Variants in CSMD2 observed in about 807,000 individuals in gnomAD.
CSMD2 encodes CUB and sushi domain-containing protein 2.
A neutral mutation model predicts 398.5 loss-of-function variants in CSMD2; 130 were observed. The ratio of observed to expected loss-of-function variants is 0.33; its 90% CI spans 0.28 to 0.38. The LOEUF (loss-of-function observed/expected upper bound fraction) is 0.38. Ranked by LOEUF, CSMD2 falls within the 10% of genes least tolerant of loss-of-function variation. CSMD2 has a pLI of 1.00. For synonymous variants in CSMD2, 1,828 were observed against 1,908.5 expected (o/e 0.96, Z 1.10); for missense variants, 3,829 against 4,764.9 (o/e 0.80, Z 5.78).
At chr1:34,159,483 C>T (rs554660418) in intron 1 of CSMD2, among the ~76,000 whole-genome samples, 4 of 152,310 alleles carry the variant, frequency 2.6e-5, no homozygotes, top group Non-Finnish European at 4.4e-5. Flanking sequence ...CCTGGGCAGA[C>T]GCTTCCAGGG....
At chr1:33,557,036 C>T (rs1373939917) in intron 55 of CSMD2, among the ~76,000 whole-genome samples, 1 of 152,144 alleles carries the variant, frequency 6.6e-6, no homozygotes, top group Non-Finnish European at 1.5e-5. Context: ...GAGCACCTCC[C>T]CAACCCCTTT....
chr1:33,683,679 G>A (rs1644975704), intron 25 of CSMD2, among the ~76,000 whole-genome samples: 1 of 152,208 alleles, frequency 6.6e-6, no homozygotes, highest in African/African-American at 2.4e-5. Flanking sequence ...CTCTAGAGGT[G>A]TTCTATGAAA....
intron 3 of CSMD2, among the ~76,000 whole-genome samples, chr1:33,966,461 T>C (rs2125408821): frequency 6.6e-6 from 1 of 152,356 alleles, no homozygotes; most frequent in Non-Finnish European, 1.5e-5. Context: ...GAAACCTTGT[T>C]GACCTTCTCA....
At chr1:33,619,603 T>C (rs1278342172) in intron 37 of CSMD2, among the ~76,000 whole-genome samples, 2 of 152,230 alleles carry the variant, frequency 1.3e-5, no homozygotes, top group Non-Finnish European at 2.9e-5. Flanking sequence ...TGAGTGTACA[T>C]GTGCTGAGTT....
intron 25 of CSMD2, 24 bp from the exon 26 acceptor site, chr1:33,663,116 G>T: frequency 1.2e-6 from 2 of 1,603,374 alleles, no homozygotes; most frequent in Non-Finnish European, 1.7e-6. Flanking sequence ...AGAGGCAGTG[G>T]TCATCTGGAC....
intron 3 of CSMD2, among the ~76,000 whole-genome samples, chr1:33,979,468 A>G (rs1646088217): frequency 1.3e-5 from 2 of 152,216 alleles, no homozygotes; most frequent in African/African-American, 4.8e-5. Context: ...TGTGGGTACC[A>G]GTATCCAAGG....
chr1:33,814,876 C>G (rs540039751), intron 9 of CSMD2, among the ~76,000 whole-genome samples: 2 of 152,224 alleles, frequency 1.3e-5, no homozygotes, highest in South Asian at 2.1e-4. Flanking sequence ...CCTTCTGGCT[C>G]CCACATTTCA....
intron 53 of CSMD2, among the ~76,000 whole-genome samples, chr1:33,566,483 T>C (rs1464318365): frequency 6.6e-6 from 1 of 152,138 alleles, no homozygotes; most frequent in Non-Finnish European, 1.5e-5. Context: ...TTAATATATG[T>C]GAATGAGTTT....
intron 4 of CSMD2, 32 bp from the exon 5 acceptor site, chr1:33,918,333 G>C: frequency 6.2e-7 from 1 of 1,600,610 alleles, no homozygotes; most frequent in Non-Finnish European, 8.5e-7. Flanking sequence ...GCTTACATGA[G>C]TAGTCTGGTT....
intron 4 of CSMD2, among the ~76,000 whole-genome samples, chr1:33,925,059 T>TC (rs1644077800): frequency 6.6e-6 from 1 of 152,174 alleles, no homozygotes; most frequent in Non-Finnish European, 1.5e-5. Flanking sequence ...TTTAATATAG[T>TC]CCCATTTGTC....
chr1:33,981,942 A>T (rs568239618), intron 3 of CSMD2, among the ~76,000 whole-genome samples: 3 of 152,218 alleles, frequency 2.0e-5, no homozygotes, highest in Admixed American at 2.0e-4. Context: ...GCAGTATGGG[A>T]GGCCTGTGGA....
chr1:33,634,382 C>T (rs768169673), intron 31 of CSMD2, among the ~76,000 whole-genome samples: 5 of 152,236 alleles, frequency 3.3e-5, no homozygotes, highest in African/African-American at 7.2e-5. Flanking sequence ...CCCATCCTGT[C>T]TTGGGGAATA....
intron 5 of CSMD2, among the ~76,000 whole-genome samples, chr1:33,913,015 T>C (rs1643540536): frequency 6.6e-6 from 1 of 152,024 alleles, no homozygotes; most frequent in South Asian, 2.1e-4. Context: ...TGTCTCCATG[T>C]TGCCCAGGCT....
intron 27 of CSMD2, among the ~76,000 whole-genome samples, chr1:33,657,726 G>A (rs1643992632): frequency 6.6e-6 from 1 of 152,246 alleles, no homozygotes; most frequent in Non-Finnish European, 1.5e-5. Context: ...ATTTTAGCAA[G>A]TGAGGAATTT....
rs577188966 is a variant in CSMD2 at position 33,624,282 on chromosome 1, G to A, written c.5625+237C>T. 2.6e-4 allele frequency among the ~76,000 whole-genome samples: 39 copies of A among 152,202 alleles called. No homozygotes were observed. The highest frequency in any genetic ancestry group is 7.5e-4 in the African/African-American group (31 of 41,520). ...CTTCCTGGGTTACCCGACTCCCACC[G>A]CATGTCCCTGAAGCTCTTGGGGCCT... On this transcript the variant is annotated intron_variant, in intron 35 of 70. Transcript: ENST00000373381. This position sits in a 1 kb window ranked among gnomAD's most constrained non-coding sequence, Gnocchi z 4.7.
rs1436629797 is a variant in CSMD2 at position 33,546,140 on chromosome 1, A to G, written c.8997T>C (p.Thr2999=). ...IRLGDSFDPG[T]VMRFSCEAGH... ...CAGCTTCACAGCTGAAGCGCATCAC[A>G]GTGCCTGGATCAAAGCTGTCCCCCA... is the stretch of plus-strand genomic sequence containing the variant. The change falls in exon 57 of 71, where the codon ACT becomes ACC. Residue 2999 remains threonine (T), a synonymous_variant. Coordinates refer to ENST00000373381, the MANE Select transcript of CSMD2 (RefSeq NM_001281956.2). 1 of 1,614,096 alleles carries G rather than the reference A, an allele frequency of 6.2e-7. No individual in the cohort carries two copies. Among genetic ancestry groups the G allele is most frequent in the African/African-American group, 1.3e-5 (1 of 74,938 alleles).
At chr1:33,530,843 G>A (rs567595523) in intron 64 of CSMD2, among the ~76,000 whole-genome samples, 4 of 152,230 alleles carry the variant, frequency 2.6e-5, no homozygotes, top group South Asian at 4.1e-4. Context: ...AGCCAGGTAC[G>A]GTAAGACAAA....
At chr1:33,686,823 C>A (rs1571223318) in intron 25 of CSMD2, among the ~76,000 whole-genome samples, 1 of 152,190 alleles carries the variant, frequency 6.6e-6, no homozygotes, top group African/African-American at 2.4e-5. Context: ...ACACATGCTC[C>A]CACCCACAGT....
At chr1:34,028,999 G>C (rs562685622) in intron 3 of CSMD2, among the ~76,000 whole-genome samples, 2 of 152,302 alleles carry the variant, frequency 1.3e-5, no homozygotes, top group East Asian at 1.9e-4. Flanking sequence ...TCACATTCTG[G>C]ATGAGGGTGG....
Sources: gnomAD v4.1 joint callset for allele counts (sites outside exome capture counted in the v4.1 genomes callset) on GRCh38, gnomAD v4.1.1 for gene constraint, Gnocchi (gnomAD v3.1) non-coding constraint, MANE v1.5 for transcripts, NCBI Gene and HGNC (gene_info 2026-07-23, HGNC 2026-07-21) for gene names.